Variants in GALNT13 observed in about 807,000 individuals in gnomAD.
GALNT13 encodes the protein polypeptide N-acetylgalactosaminyltransferase 13, also known as UDP-GalNAc:polypeptide N-acetylgalactosaminyltransferase 13.
Under a neutral mutation model 64.2 loss-of-function variants are expected in GALNT13, and 28 were observed. That is an observed-to-expected ratio of 0.44 (90% CI 0.32 to 0.60). The LOEUF is 0.60. GALNT13 is among the 20% of genes least tolerant of loss of function. The pLI, the probability that GALNT13 is intolerant of heterozygous loss-of-function variation, is 0.05. For missense variants in GALNT13, 577 were observed against 669.8 expected (o/e 0.86, Z 1.53); for synonymous variants, 214 against 224.6 (o/e 0.95, Z 0.42).
chr2:153,983,828 C>T (rs1187465281), intron 3 of GALNT13, among the ~76,000 whole-genome samples: 1 of 151,908 alleles, frequency 6.6e-6, no homozygotes, highest in South Asian at 2.1e-4. Flanking sequence ...TTGTGCCATA[C>T]TGGCATTTTC....
rs1183681574 is a variant in GALNT13 at position 154,243,011 on chromosome 2, T to A, written c.686+106T>A. Reference sequence around the variant, plus strand: ...TCCAAGTTGCTATTTTTAGAAGGTTTATTTTATAGCTTTTCTTAAAAGCAC... The same window carrying A: ...TCCAAGTTGCTATTTTTAGAAGGTTAATTTTATAGCTTTTCTTAAAAGCAC... On this transcript the variant is annotated intron_variant, in intron 6 of 12. Transcript: ENST00000392825. 7 of 898,946 alleles carry A rather than the reference T, an allele frequency of 7.8e-6. No homozygotes were observed. The East Asian group carries it at 1.6e-4, about 21-fold the overall frequency. 55.7% of individuals were successfully genotyped at this position (898,946 alleles called of 1,614,324 possible).
At chr2:153,912,885 G>A (rs552859908) in intron 2 of GALNT13, among the ~76,000 whole-genome samples, 1 of 152,190 alleles carries the variant, frequency 6.6e-6, no homozygotes, top group East Asian at 1.9e-4. Context: ...ATCCTCATTT[G>A]CATGTGCTAG....
chr2:153,132,388 A>C, the GALNT13 span, among the ~76,000 whole-genome samples: 1 of 152,132 alleles, frequency 6.6e-6, no homozygotes, highest in African/African-American at 2.4e-5. Flanking sequence ...ATGGATATAA[A>C]ATGTTTTGTG....
chr2:154,178,596 C>G (rs754382162), intron 4 of GALNT13, among the ~76,000 whole-genome samples: 1 of 152,122 alleles, frequency 6.6e-6, no homozygotes, highest in Non-Finnish European at 1.5e-5. Context: ...GTCTTCCTCT[C>G]GCTCAATCTG....
the GALNT13 span, among the ~76,000 whole-genome samples, chr2:153,641,119 T>G: frequency 6.6e-6 from 1 of 152,288 alleles, no homozygotes; most frequent in East Asian, 1.9e-4. Context: ...CTATTCCTTA[T>G]GCACCTACTC....
chr2:153,865,460 A>C, the GALNT13 span, among the ~76,000 whole-genome samples: 1 of 143,686 alleles, frequency 7.0e-6, no homozygotes, highest in East Asian at 2.0e-4. Context: ...AAACAAATTT[A>C]CAAGAAAAAA....
intron 4 of GALNT13, among the ~76,000 whole-genome samples, chr2:154,159,517 A>G (rs1295109387): frequency 1.3e-5 from 2 of 152,194 alleles, no homozygotes; most frequent in Non-Finnish European, 2.9e-5. Flanking sequence ...ATAAATTAAT[A>G]AATGATGATA....
the GALNT13 span, among the ~76,000 whole-genome samples, chr2:153,730,668 C>T: frequency 2.6e-5 from 4 of 151,574 alleles, no homozygotes; most frequent in African/African-American, 9.7e-5. Flanking sequence ...AACTGCTATC[C>T]AGAATCTACA....
rs546252207 is a variant in GALNT13, at chr2:154,143,758, G to A, written c.311+3253G>A. 4.6e-3 allele frequency among the ~76,000 whole-genome samples: 691 copies of A among 151,086 alleles called. 5 individuals are homozygous for A. The highest frequency in any genetic ancestry group is 0.016 in the African/African-American group (651 of 41,224). On this transcript the variant is annotated intron_variant, in intron 4 of 12. Transcript: ENST00000392825. ...TGCCTGTAATCCCAGCTACTCAGGA[G>A]GCTGAGGCAGGAGAATCACTTGAAC...
chr2:153,452,258 C>CA, the GALNT13 span, among the ~76,000 whole-genome samples: 1 of 152,090 alleles, frequency 6.6e-6, no homozygotes, highest in Admixed American at 6.6e-5. Context: ...GACCAAATCA[C>CA]AAATTGCAGA....
chr2:153,700,693 CA>C, the GALNT13 span, among the ~76,000 whole-genome samples: 1 of 151,874 alleles, frequency 6.6e-6, no homozygotes, highest in African/African-American at 2.4e-5. Flanking sequence ...TCCCATATAC[CA>C]AAAATAGACA....
At chr2:153,146,504 G>C in the GALNT13 span, among the ~76,000 whole-genome samples, 11 of 151,836 alleles carry the variant, frequency 7.2e-5, no homozygotes, top group East Asian at 9.7e-4. Flanking sequence ...TGTAATTATA[G>C]CTGCCATTGC....
chr2:153,429,799 TA>T, the GALNT13 span, among the ~76,000 whole-genome samples: 23 of 152,324 alleles, frequency 1.5e-4, 1 homozygote, highest in South Asian at 6.2e-4. Flanking sequence ...CAAATGTTTT[TA>T]CATATACTCC....
chr2:153,594,628 C>T, the GALNT13 span, among the ~76,000 whole-genome samples: 476 of 152,180 alleles, frequency 3.1e-3, no homozygotes, highest in Non-Finnish European at 4.8e-3. Flanking sequence ...TTCCTAACTG[C>T]AGACCTATAT....
the GALNT13 span, among the ~76,000 whole-genome samples, chr2:153,170,219 T>C: frequency 3.5e-4 from 54 of 152,304 alleles, no homozygotes; most frequent in African/African-American, 1.2e-3. Flanking sequence ...ATACGTTCCT[T>C]AAATATTTTC....
At chr2:153,740,241 T>C in the GALNT13 span, among the ~76,000 whole-genome samples, 31 of 152,020 alleles carry the variant, frequency 2.0e-4, no homozygotes, top group Admixed American at 1.6e-3. Context: ...TGTGGTTTGA[T>C]ATTGATGACA....
At chr2:153,536,397 G>C in the GALNT13 span, among the ~76,000 whole-genome samples, 3 of 152,160 alleles carry the variant, frequency 2.0e-5, no homozygotes, top group Non-Finnish European at 4.4e-5. Context: ...GTCCAATCTG[G>C]AGGAGGAGGG....
chr2:153,561,946 A>G, the GALNT13 span, among the ~76,000 whole-genome samples: 2 of 152,034 alleles, frequency 1.3e-5, no homozygotes, highest in South Asian at 4.1e-4. Context: ...TTCAGCAATT[A>G]TTCAAGAAAC....
chr2:154,190,233 G>A (rs1374065739), intron 4 of GALNT13, among the ~76,000 whole-genome samples: 1 of 152,170 alleles, frequency 6.6e-6, no homozygotes, highest in East Asian at 1.9e-4. Context: ...GGCAAGTCAA[G>A]GCTCAAAAAC....
Sources: allele counts gnomAD v4.1 joint callset (sites outside exome capture counted in the v4.1 genomes callset), GRCh38; gene constraint gnomAD v4.1.1; transcripts MANE v1.5; gene names NCBI Gene and HGNC (gene_info 2026-07-23, HGNC 2026-07-21).